TEX14: variants seen among roughly 807,000 people sequenced by gnomAD.
TEX14 encodes inactive serine/threonine-protein kinase TEX14.
In TEX14, 168 loss-of-function variants were observed where a neutral mutation model predicts 178.6. The ratio of observed to expected loss-of-function variants is 0.94; its 90% confidence interval spans 0.83 to 1.07. The LOEUF (loss-of-function observed/expected upper bound fraction) is 1.07. Ranked by LOEUF, TEX14 falls within the 50% of genes least tolerant of loss-of-function variation. The pLI is 0.00. For synonymous variants in TEX14, 626 were observed against 634.1 expected, an observed-to-expected ratio of 0.99 and a Z score of 0.19; for missense variants, 1,730 against 1,753.6, an observed-to-expected ratio of 0.99 and a Z score of 0.24.
chr17:58,680,082 T>C (rs1308908371), intron 1 of TEX14, among the ~76,000 whole-genome samples: 2 of 89,150 alleles, frequency 2.2e-5, no homozygotes, highest in Non-Finnish European at 3.3e-5. Flanking sequence ...GTCTTTTTTC[T>C]TTTTTTTTCC....
rs1275822559 is a variant in TEX14, at chr17:58,599,345, A to C, written c.2000T>G (p.Met667Arg). The change falls in exon 14 of 32, where the codon ATG (methionine) becomes AGG (arginine). Residue 667 changes from methionine to arginine, a missense_variant. Coordinates refer to ENST00000349033, the MANE Select transcript of TEX14 (RefSeq NM_031272.5). ...GCCAAAACAACACGCCTCTCTCTCCATCTTATCCAGCTCTTCTTCCATGGA... is the reference window on the plus strand; with the variant it reads ...GCCAAAACAACACGCCTCTCTCTCCCTCTTATCCAGCTCTTCTTCCATGGA... ...LKSMEEELDK[M>R]EREACCFGSE... 6.2e-7 allele frequency: 1 copy of C among 1,613,892 alleles called. No individual in the cohort carries two copies. The highest frequency in any genetic ancestry group is 8.5e-7 in the Non-Finnish European group (1 of 1,180,038).
chr17:58,659,198 A>G (rs573624403), intron 1 of TEX14: 1 of 234,918 alleles, frequency 4.3e-6, no homozygotes, highest in Admixed American at 6.5e-5. Context: ...TATGCAGCCG[A>G]GTTTTCTCAT....
intron 15 of TEX14, among the ~76,000 whole-genome samples, chr17:58,591,736 C>T (rs1450090187): frequency 1.3e-5 from 2 of 148,746 alleles, no homozygotes; most frequent in Non-Finnish European, 3.0e-5. Context: ...CAAAAAAAAA[C>T]TAAAACTGAT....
chr17:58,664,321 G>C (rs777821055), intron 1 of TEX14, among the ~76,000 whole-genome samples: 1 of 152,174 alleles, frequency 6.6e-6, no homozygotes, highest in South Asian at 2.1e-4. Context: ...TCATGGCTCT[G>C]ATATCACAGG....
intron 1 of TEX14, chr17:58,660,986 A>G (rs750741114): frequency 1.0e-5 from 12 of 1,168,434 alleles, no homozygotes; most frequent in South Asian, 3.7e-5. Context: ...TTCTAAGCTG[A>G]TATCAATCCA....
Position 58,632,723 on chromosome 17 carries a change from C to G in TEX14, c.137-2169G>C, listed in dbSNP as rs935613065. 2.6e-5 allele frequency among the ~76,000 whole-genome samples: 4 copies of G among 152,124 alleles called. No homozygotes were observed. In the South Asian group the frequency reaches 8.3e-4, roughly 32 times the overall value. ...AACAGAATGTAGAGGAGGGGTCAGC[C>G]CATAAAAGGGAAGAAAGTTTCTTTA... is the stretch of plus-strand genomic sequence containing the variant. On this transcript the variant is annotated intron_variant, in intron 2 of 31. Transcript: ENST00000349033.
intron 2 of TEX14, among the ~76,000 whole-genome samples, chr17:58,643,953 C>G (rs73329005): frequency 0.014 from 2,060 of 150,766 alleles, 16 homozygotes; most frequent in Middle Eastern, 0.059. Flanking sequence ...CCCGCCCCCC[C>G]CAAATACCTC....
chr17:58,683,215 A>T (rs1193715253), intron 1 of TEX14, among the ~76,000 whole-genome samples: 1 of 151,446 alleles, frequency 6.6e-6, no homozygotes, highest in Non-Finnish European at 1.5e-5. Context: ...TCTACTAAAG[A>T]TACAAAAATT....
At chr17:58,598,793 G>A (rs192840053) in intron 14 of TEX14, 83 bp downstream of exon 14, 1 of 1,306,818 alleles carries the variant, frequency 7.7e-7, no homozygotes, top group African/African-American at 1.5e-5. Flanking sequence ...GTTTACTTTG[G>A]AGACTTGGGT....
At chr17:58,641,757 G>A (rs1307779478) in intron 2 of TEX14, among the ~76,000 whole-genome samples, 6 of 151,968 alleles carry the variant, frequency 3.9e-5, no homozygotes, top group Non-Finnish European at 8.8e-5. Flanking sequence ...TGCCTGCCTC[G>A]GCCTCCTCCC....
chr17:58,581,637 T>G (rs758821408), intron 19 of TEX14: 15 of 1,613,998 alleles, frequency 9.3e-6, no homozygotes, highest in Non-Finnish European at 1.2e-5. Flanking sequence ...TCTTGAGCAG[T>G]CGAGGAGTAA....
intron 2 of TEX14, among the ~76,000 whole-genome samples, chr17:58,641,002 G>A (rs1567753440): frequency 1.3e-5 from 2 of 152,098 alleles, no homozygotes; most frequent in Non-Finnish European, 1.5e-5. Context: ...TTATAGGCAT[G>A]AGCCACCATA....
rs571922313 is a variant in TEX14, at chr17:58,582,115, A to G, written c.3172-2384T>C. Among the ~76,000 whole-genome samples, 5 of 152,298 alleles carry G rather than the reference A, an allele frequency of 3.3e-5. 1 individual carries two copies. In the South Asian group the frequency reaches 1.0e-3, roughly 32 times the overall value. On this transcript the variant is annotated intron_variant, in intron 19 of 31. Transcript: ENST00000349033. ...GAGACATAGCCCATGTGTTGGCATC[A>G]TCTTACAGATGAGGAGGCTGCGGCT...
At chr17:58,655,941 T>C (rs959646474) in intron 1 of TEX14, among the ~76,000 whole-genome samples, 1 of 152,186 alleles carries the variant, frequency 6.6e-6, no homozygotes, top group South Asian at 2.1e-4. Context: ...TGTAAACTCT[T>C]TGAGGGTCCT....
chr17:58,680,468 G>A (rs1048761654), intron 1 of TEX14, among the ~76,000 whole-genome samples: 2 of 152,130 alleles, frequency 1.3e-5, no homozygotes, highest in South Asian at 2.1e-4. Context: ...CAGGCCGGAC[G>A]CTGTGACTCC....
chr17:58,627,261 T>C (rs950609988), intron 3 of TEX14, among the ~76,000 whole-genome samples: 1 of 152,218 alleles, frequency 6.6e-6, no homozygotes, highest in Non-Finnish European at 1.5e-5. Flanking sequence ...TGGTTTGATC[T>C]TTAAAGAAAT....
intron 19 of TEX14, among the ~76,000 whole-genome samples, chr17:58,581,891 T>C (rs2044831030): frequency 6.6e-6 from 1 of 152,206 alleles, no homozygotes. Flanking sequence ...TGCCTCTGCC[T>C]TCCCTTCCTG....
intron 2 of TEX14, chr17:58,630,960 C>T (rs926100888): frequency 1.3e-5 from 2 of 155,856 alleles, no homozygotes; most frequent in African/African-American, 2.4e-5. Flanking sequence ...AAGACTAATT[C>T]GACAAGGGAA....
At chr17:58,661,164 C>A (rs2047101409) in intron 1 of TEX14, 1 of 814,716 alleles carries the variant, frequency 1.2e-6, no homozygotes, top group Non-Finnish European at 2.2e-6. Context: ...CTAGGATAAG[C>A]CGTGGAGGTA....
Sources: gnomAD v4.1 joint callset for allele counts (sites outside exome capture counted in the v4.1 genomes callset) on GRCh38, gnomAD v4.1.1 for gene constraint, MANE v1.5 for transcripts, NCBI Gene and HGNC (gene_info 2026-07-23, HGNC 2026-07-21) for gene names.